The following TJP1 variants were observed in gnomAD, a reference collection of about 807,000 sequenced individuals.
TJP1 encodes the protein tight junction protein ZO-1.
In TJP1, 43 loss-of-function variants were observed where a neutral mutation model predicts 194.2. The observed-to-expected ratio is 0.22, with a 90% CI of 0.17 to 0.29. TJP1 has a LOEUF of 0.29. TJP1 is among the 10% of genes least tolerant of loss of function. TJP1 has a pLI of 1.00. For synonymous variants in TJP1, 801 were observed against 779.0 expected (o/e 1.03, Z -0.47); for missense variants, 1,971 against 2,185.7 (o/e 0.90, Z 1.96).
chr15:29,871,599 G>A (rs1349358464), intron 2 of TJP1, among the ~76,000 whole-genome samples: 2 of 152,248 alleles, frequency 1.3e-5, no homozygotes, highest in Admixed American at 1.3e-4. Flanking sequence ...CGTTAGTCAC[G>A]TAGGAGACGG....
chr15:29,832,182 C>G (rs1036672804), intron 2 of TJP1, among the ~76,000 whole-genome samples: 1 of 152,088 alleles, frequency 6.6e-6, no homozygotes, highest in African/African-American at 2.4e-5. Flanking sequence ...ATGACACAAG[C>G]AGAGGCTTGA....
intron 8 of TJP1, among the ~76,000 whole-genome samples, chr15:29,755,857 C>A (rs2045610188): frequency 6.6e-6 from 1 of 152,116 alleles, no homozygotes; most frequent in Admixed American, 6.5e-5. Context: ...ATTTCAATTT[C>A]ATCCTGTTAG....
intron 2 of TJP1, among the ~76,000 whole-genome samples, chr15:29,878,392 T>C (rs1200644340): frequency 6.6e-6 from 1 of 152,176 alleles, no homozygotes; most frequent in Admixed American, 6.5e-5. Flanking sequence ...ACTAATCAAG[T>C]ACAACCTAAA....
chr15:29,839,699 A>T (rs916289586), intron 2 of TJP1, among the ~76,000 whole-genome samples: 4 of 152,238 alleles, frequency 2.6e-5, no homozygotes, highest in African/African-American at 7.2e-5. Flanking sequence ...TGAAACTGTT[A>T]TGAACATTCC....
intron 2 of TJP1, among the ~76,000 whole-genome samples, chr15:29,949,945 AACCACC>A (rs2055603697): frequency 2.7e-4 from 1 of 3,726 alleles, no homozygotes; most frequent in African/African-American, 3.0e-3. Flanking sequence ...CCACCTCCAC[AACCACC>A]ACCACCACCT....
intron 2 of TJP1, among the ~76,000 whole-genome samples, chr15:29,939,067 C>T (rs1044653049): frequency 3.9e-5 from 6 of 152,182 alleles, no homozygotes; most frequent in African/African-American, 1.4e-4. Flanking sequence ...GTGTCTTGGA[C>T]AATGTGAACA....
rs75612333 is a variant in TJP1 at position 29,898,797 on chromosome 15, C to T, written c.306+57435G>A. ...TGAAAAATATCTAAAATTCAACATACTTTTTCACAAGCAATTTGGACAAGG... is the reference window on the plus strand; with the variant it reads ...TGAAAAATATCTAAAATTCAACATATTTTTTCACAAGCAATTTGGACAAGG... On this transcript the variant is annotated intron_variant, in intron 2 of 28. Coordinates refer to the TJP1 transcript ENST00000356107. 4.5e-3 allele frequency among the ~76,000 whole-genome samples: 689 copies of T among 152,274 alleles called. 5 individuals are homozygous for T. Among genetic ancestry groups the T allele is most frequent in the African/African-American group, 0.016 (666 of 41,570 alleles).
chr15:29,736,757 T>A (rs2044058548), intron 11 of TJP1, among the ~76,000 whole-genome samples: 1 of 152,194 alleles, frequency 6.6e-6, no homozygotes, highest in Non-Finnish European at 1.5e-5. Flanking sequence ...CCAGGCAGCT[T>A]ACACATTTGC....
In TJP1 at chr15:29,705,713, T is replaced by C; in HGVS notation, c.4883A>G (p.Asp1628Gly). 1 of 1,614,158 alleles carries C rather than the reference T, an allele frequency of 6.2e-7. No individual in the cohort carries two copies. The highest frequency in any genetic ancestry group is 1.1e-5 in the South Asian group (1 of 91,086). The change falls in exon 26 of 28, where the codon GAT becomes GGT. Residue 1628 changes from aspartate to glycine, a missense_variant. Physicochemically the swap from Asp to Gly is moderately conservative, Grantham distance 94. Coordinates refer to ENST00000614355, the MANE Select transcript of TJP1 (RefSeq NM_001330239.4). ...PSAVEEDEDE[D>G]GHTVVATARG... ...GGCTGTGGCCACCACAGTATGACCA[T>C]CTTCATCTTCATCCTCTTCCACAGC...
intron 2 of TJP1, among the ~76,000 whole-genome samples, chr15:29,869,114 C>T (rs549256605): frequency 2.3e-4 from 35 of 152,248 alleles, no homozygotes; most frequent in Non-Finnish European, 3.7e-4. Flanking sequence ...AGCCAGATTC[C>T]GATCTCACTC....
chr15:29,764,733 A>G (rs992347890), intron 5 of TJP1, among the ~76,000 whole-genome samples: 3 of 152,222 alleles, frequency 2.0e-5, no homozygotes, highest in African/African-American at 7.2e-5. Flanking sequence ...TTCATGAGAA[A>G]TACAAAGAAA....
Position 29,701,294 on chromosome 15 carries a change from C to T in TJP1, c.*301G>A, listed in dbSNP as rs1016952177. ...CCCCATTTACTGGCTGGTATTTTAA[C>T]GGAAATCAATATGTGAAGTTAAGCA... On this transcript the variant is annotated 3_prime_UTR_variant, in exon 28 of 28. Coordinates refer to ENST00000614355, the MANE Select transcript of TJP1 (RefSeq NM_001330239.4). 4 of 278,682 alleles carry T rather than the reference C, an allele frequency of 1.4e-5. No homozygotes were observed. Among genetic ancestry groups the T allele is most frequent in the South Asian group, 1.9e-4 (2 of 10,528 alleles). The allele number at this position is 278,682 out of a possible 1,614,324, so 17.3% of individuals were successfully genotyped here.
intron 2 of TJP1, among the ~76,000 whole-genome samples, chr15:29,861,580 G>A (rs1037812827): frequency 6.6e-6 from 1 of 152,162 alleles, no homozygotes; most frequent in African/African-American, 2.4e-5. Context: ...TTATCTATTT[G>A]TATGTTGCCT....
chr15:29,807,262 G>A (rs2049172114), intron 1 of TJP1, among the ~76,000 whole-genome samples: 1 of 152,226 alleles, frequency 6.6e-6, no homozygotes, highest in Non-Finnish European at 1.5e-5. Context: ...TAAGTTCACA[G>A]ATAAGCTGCT....
At chr15:29,961,441 C>CG (rs751558654) in intron 1 of TJP1, among the ~76,000 whole-genome samples, 4 of 151,256 alleles carry the variant, frequency 2.6e-5, no homozygotes, top group Non-Finnish European at 5.9e-5. Flanking sequence ...CTCCGCTTCC[C>CG]GGGTTCACGC....
At chr15:29,863,940 G>A (rs1416203334) in intron 2 of TJP1, among the ~76,000 whole-genome samples, 1 of 152,058 alleles carries the variant, frequency 6.6e-6, no homozygotes, top group Non-Finnish European at 1.5e-5. Flanking sequence ...CTGAAGCTTT[G>A]TAAAGTAGAC....
At chr15:29,724,190 T>C (rs938980389) in intron 18 of TJP1, among the ~76,000 whole-genome samples, 4 of 152,192 alleles carry the variant, frequency 2.6e-5, no homozygotes, top group African/African-American at 9.7e-5. Context: ...GAGCACTGCC[T>C]TCCTGATAAG....
intron 2 of TJP1, among the ~76,000 whole-genome samples, chr15:29,860,768 G>A (rs777037435): frequency 6.6e-6 from 1 of 152,112 alleles, no homozygotes; most frequent in Non-Finnish European, 1.5e-5. Flanking sequence ...AATGAGCTTT[G>A]CAGACACTGA....
At chr15:29,871,347 G>A (rs1386971686) in intron 2 of TJP1, among the ~76,000 whole-genome samples, 1 of 152,210 alleles carries the variant, frequency 6.6e-6, no homozygotes, top group Non-Finnish European at 1.5e-5. Flanking sequence ...GGTTTTTCCG[G>A]CTGTGGTAGC....
Sources: allele counts gnomAD v4.1 joint callset (sites outside exome capture counted in the v4.1 genomes callset), GRCh38; gene constraint gnomAD v4.1.1; transcripts MANE v1.5; gene names NCBI Gene and HGNC (gene_info 2026-07-23, HGNC 2026-07-21).